Variants in KLHL5 observed in about 807,000 individuals in gnomAD.
KLHL5 encodes kelch like family member 5.
KLHL5 carries 48 observed loss-of-function variants against 77.7 expected under a neutral mutation model. The observed-to-expected ratio is 0.62, with a 90% CI of 0.49 to 0.79. KLHL5 has a LOEUF of 0.79. Among genes scored for constraint, KLHL5 ranks in the 30% least tolerant of loss-of-function variants. KLHL5 has a pLI of 0.00. For synonymous variants in KLHL5, 260 were observed against 297.0 expected (o/e 0.88, Z 1.28); for missense variants, 723 against 859.7 (o/e 0.84, Z 1.99).
intron 10 of KLHL5, chr4:39,116,326 C>T (rs1261243835): frequency 6.6e-6 from 1 of 152,178 alleles, no homozygotes; most frequent in Admixed American, 6.6e-5. Context: ...GAGTGAGACT[C>T]CATCTTAAAA....
At chr4:39,055,189 G>T (rs758221011) in intron 1 of KLHL5, among the ~76,000 whole-genome samples, 1 of 152,208 alleles carries the variant, frequency 6.6e-6, no homozygotes, top group African/African-American at 2.4e-5. Flanking sequence ...ACTACTAGGG[G>T]TCCTCAAGAA....
At position 39,086,524 on chromosome 4, in the gene KLHL5, A is replaced by C. The variant is rs1477530717; in HGVS notation, c.910A>C (p.Met304Leu). Residue 304 changes from methionine (M) to leucine (L), a missense_variant, in exon 5 of 11, where the codon ATG (methionine) becomes CTG (leucine). By Grantham distance (15) the Met-to-Leu change is conservative (BLOSUM62 2). This residue lies in a region of KLHL5 where 288 missense variants were observed against 400.3 expected (regional missense o/e 0.72). Coordinates refer to ENST00000504108, the MANE Select transcript of KLHL5 (RefSeq NM_015990.5). The part of the protein sequence containing the change: ...VAHNYTMEHF[M>L]EVIRNQEFVL... Reference sequence around the variant, plus strand: ...TATTTCTTCCCTCTAGGAGCATTTCATGGAAGTAATCAGAAACCAGGAATT... The same window carrying C: ...TATTTCTTCCCTCTAGGAGCATTTCCTGGAAGTAATCAGAAACCAGGAATT... The C allele has an allele frequency of 1.2e-6, 2 of 1,613,226 alleles. No individual in the cohort carries two copies. The highest frequency in any genetic ancestry group is 1.7e-6 in the Non-Finnish European group (2 of 1,179,212).
chr4:39,139,316 A>G, the KLHL5 span, among the ~76,000 whole-genome samples: 30 of 152,150 alleles, frequency 2.0e-4, no homozygotes, highest in African/African-American at 6.3e-4. Flanking sequence ...CCCATCATCA[A>G]TACTGGGACA....
chr4:39,045,110 C>T (rs1483323683), intron 1 of KLHL5: 5 of 984,890 alleles, frequency 5.1e-6, no homozygotes, highest in Middle Eastern at 1.0e-3. Flanking sequence ...AGTGCGACTT[C>T]CTTCTCGGCA....
intron 1 of KLHL5, 112 bp from the exon 2 acceptor site, chr4:39,075,853 A>C: frequency 1.3e-6 from 1 of 774,014 alleles, no homozygotes; most frequent in Non-Finnish European, 2.1e-6. Context: ...TAATATTGAT[A>C]GGTAGCATTG....
At chr4:39,055,126 A>G (rs1320065885) in intron 1 of KLHL5, among the ~76,000 whole-genome samples, 1 of 152,228 alleles carries the variant, frequency 6.6e-6, no homozygotes, top group African/African-American at 2.4e-5. Context: ...AAAAGTCATC[A>G]AAGTCTAAAG....
downstream of KLHL5, among the ~76,000 whole-genome samples, chr4:39,129,177 C>A (rs1297866950): frequency 5.9e-4 from 81 of 138,314 alleles, no homozygotes; most frequent in African/African-American, 1.5e-3. This position sits in a 1 kb window ranked among gnomAD's most constrained non-coding sequence, Gnocchi z 4.2. Context: ...AAAAAAAAAA[C>A]AATTACAACT....
the KLHL5 span, among the ~76,000 whole-genome samples, chr4:39,138,887 G>A: frequency 4.6e-5 from 7 of 152,152 alleles, no homozygotes; most frequent in African/African-American, 1.4e-4. Flanking sequence ...TGTTTACATC[G>A]TTTTAAAGTA....
intron 10 of KLHL5, among the ~76,000 whole-genome samples, chr4:39,118,591 A>G (rs572505296): frequency 6.6e-6 from 1 of 152,306 alleles, no homozygotes; most frequent in African/African-American, 2.4e-5. Flanking sequence ...CCCCATCTCT[A>G]CTAAAAATAC....
intron 5 of KLHL5, among the ~76,000 whole-genome samples, chr4:39,091,842 G>GTTTTTTTTTT (rs372831946): frequency 1.1e-4 from 6 of 52,444 alleles, no homozygotes; most frequent in Non-Finnish European, 1.5e-4. Flanking sequence ...CATCTGACTA[G>GTTTTTTTTTT]TTTTTTTTTT....
downstream of KLHL5, among the ~76,000 whole-genome samples, chr4:39,130,443 G>A (rs1270075126): frequency 6.6e-6 from 1 of 152,194 alleles, no homozygotes; most frequent in Non-Finnish European, 1.5e-5. Context: ...CAACCTTCCA[G>A]TGTGGGCGTT....
chr4:39,139,669 C>T, the KLHL5 span, among the ~76,000 whole-genome samples: 7 of 152,246 alleles, frequency 4.6e-5, no homozygotes, highest in Non-Finnish European at 7.4e-5. Flanking sequence ...CTGTACCTTC[C>T]GCTCAATTTT....
Position 39,081,207 on chromosome 4 carries a change from C to T in KLHL5, c.671C>T (p.Ser224Leu), listed in dbSNP as rs780714799. Residue 224 changes from serine (S) to leucine (L), a missense_variant, in exon 3 of 11, where the codon TCG (serine) becomes TTG (leucine). By Grantham distance (145) the Ser-to-Leu change is moderately radical (BLOSUM62 -2). Around this residue, in one of 3 missense-constraint regions of KLHL5, gnomAD observed 288 missense variants for 400.3 expected, o/e 0.72. Coordinates refer to ENST00000504108, the MANE Select transcript of KLHL5 (RefSeq NM_015990.5). This position sits in a 1 kb window ranked among gnomAD's most constrained non-coding sequence, Gnocchi z 4.3. The part of the protein sequence containing the change: ...EIKMEGVEPN[S>L]LWSLIQYAYT... ...AAAATGGAAGGTGTAGAACCAAATT[C>T]GTTGTGGTCCTTGATCCAGTATGCT... 14 of 1,611,828 alleles carry T rather than the reference C, an allele frequency of 8.7e-6. No individual in the cohort carries two copies. Among genetic ancestry groups the T allele is most frequent in the South Asian group, 6.6e-5 (6 of 90,758 alleles).
intron 1 of KLHL5, among the ~76,000 whole-genome samples, chr4:39,051,447 A>G (rs796352924): frequency 1.8e-4 from 27 of 152,132 alleles, no homozygotes; most frequent in African/African-American, 5.6e-4. Context: ...CTGGAATGTC[A>G]TATTAAGACT....
intron 7 of KLHL5, among the ~76,000 whole-genome samples, chr4:39,104,579 G>C (rs1721878027): frequency 6.6e-6 from 1 of 152,154 alleles, no homozygotes; most frequent in African/African-American, 2.4e-5. Context: ...ATTGAATACT[G>C]TCATTAGTTC....
intron 5 of KLHL5, 27 bp from the exon 6 acceptor site, chr4:39,096,665 G>A: frequency 2.0e-6 from 3 of 1,529,156 alleles, no homozygotes; most frequent in South Asian, 2.3e-5. Flanking sequence ...TAGTCATTCA[G>A]TATACATACC....
the KLHL5 span, among the ~76,000 whole-genome samples, chr4:39,131,970 C>T: frequency 6.6e-6 from 1 of 152,118 alleles, no homozygotes; most frequent in Non-Finnish European, 1.5e-5. Flanking sequence ...CTCTTTTGCC[C>T]CAAGGGCATT....
chr4:39,077,108 T>G (rs1011296685), intron 2 of KLHL5, among the ~76,000 whole-genome samples: 1 of 149,574 alleles, frequency 6.7e-6, no homozygotes, highest in African/African-American at 2.5e-5. Flanking sequence ...AAAAGTGGGC[T>G]AAGGACATGA....
chr4:39,081,019 A>G lies in KLHL5; in HGVS notation c.567-84A>G. ...CCTAGTACCATGCACTGTGAGTAAC[A>G]AATAAAAAAGAAGCAGCAGCATTTA... On this transcript the variant is annotated intron_variant, in intron 2 of 10. Coordinates refer to ENST00000504108, the MANE Select transcript of KLHL5 (RefSeq NM_015990.5). The surrounding 1 kb of genome is among the most constrained non-coding windows in gnomAD (Gnocchi z 4.3). The G allele has an allele frequency of 7.2e-7, 1 of 1,387,672 alleles. No homozygotes were observed. Among genetic ancestry groups the G allele is most frequent in the Non-Finnish European group, 9.9e-7 (1 of 1,013,642 alleles). The allele number at this position is 1,387,672 out of a possible 1,614,324, so 86.0% of individuals were successfully genotyped here. A position where few individuals can be genotyped will look rare whatever the true frequency, so the allele number is the denominator to read the frequency against.
Sources: gnomAD v4.1 joint callset for allele counts (sites outside exome capture counted in the v4.1 genomes callset) on GRCh38, gnomAD v4.1.1 for gene constraint, gnomAD v4.1.1 regional missense constraint, Gnocchi (gnomAD v3.1) non-coding constraint, MANE v1.5 for transcripts, NCBI Gene and HGNC (gene_info 2026-07-23, HGNC 2026-07-21) for gene names.